Variants in MRPS18A observed in about 807,000 individuals in gnomAD.
MRPS18A encodes mitochondrial ribosomal protein S18A, also known as large ribosomal subunit protein mL66.
MRPS18A carries 20 observed loss-of-function variants against 22.7 expected under a neutral mutation model. The observed-to-expected ratio is 0.88, with a 90% CI of 0.62 to 1.28. The LOEUF (loss-of-function observed/expected upper bound fraction) is 1.28, where lower values mean the gene tolerates loss of function less well. Among genes scored for constraint, MRPS18A ranks in the 50% most tolerant of loss-of-function variants. MRPS18A has a pLI of 0.00. For synonymous variants in MRPS18A, 106 were observed against 99.1 expected (o/e 1.07, Z -0.41); for missense variants, 294 against 262.6 (o/e 1.12, Z -0.83).
At chr6:43,674,557 C>T (rs1773943821) in intron 5 of MRPS18A, among the ~76,000 whole-genome samples, 1 of 152,176 alleles carries the variant, frequency 6.6e-6, no homozygotes, top group South Asian at 2.1e-4. Flanking sequence ...AAGAAGGGAA[C>T]TTGCAATGGG....
At chr6:43,678,436 C>G in intron 3 of MRPS18A, 82 bp downstream of exon 3, 1 of 1,024,690 alleles carries the variant, frequency 9.8e-7, no homozygotes. Context: ...GTAGCTACAG[C>G]GGGGACATGC....
chr6:43,682,670 C>G (rs1411181714), intron 1 of MRPS18A, among the ~76,000 whole-genome samples: 1 of 152,232 alleles, frequency 6.6e-6, no homozygotes, highest in African/African-American at 2.4e-5. Flanking sequence ...TCTACTTGTA[C>G]AGAACACAGA....
In MRPS18A at chr6:43,679,668, A is replaced by AGGGAAGC. The variant is rs1433739254; in HGVS notation, c.145-1050_145-1044dup. On this transcript the variant is annotated intron_variant, in intron 2 of 5. Transcript: ENST00000372133. ...TGGGACGGGTCTGAGAGGCTTTGGGAGGGAAGCAACACTGTCTCCTGGGGG... is the reference window on the plus strand; with the variant it reads ...TGGGACGGGTCTGAGAGGCTTTGGGAGGGAAGCGGGAAGCAACACTGTCTCCTGGGGG... 5.3e-5 allele frequency among the ~76,000 whole-genome samples: 8 copies of AGGGAAGC among 152,154 alleles called. No homozygotes were observed. The East Asian group carries it at 1.4e-3, about 26-fold the overall frequency.
chr6:43,676,334 T>C (rs771447393), intron 3 of MRPS18A, among the ~76,000 whole-genome samples: 4 of 152,168 alleles, frequency 2.6e-5, no homozygotes, highest in Non-Finnish European at 4.4e-5. Context: ...TCAAAGTCTA[T>C]ATACCACAAG....
chr6:43,685,064 C>G (rs1774618405), intron 1 of MRPS18A, among the ~76,000 whole-genome samples: 1 of 152,116 alleles, frequency 6.6e-6, no homozygotes, highest in African/African-American at 2.4e-5. Flanking sequence ...GGTGATGTTA[C>G]TGGTGGAGAG....
rs181130979 is a variant in MRPS18A, at chr6:43,677,929, C to T, written c.252+589G>A. On this transcript the variant is annotated intron_variant, in intron 3 of 5. Transcript: ENST00000372133. ...GAGCAATCAGGTATCTTTATAGCTC[C>T]AATACAGAACGACAAGGTAATGTGT... Among the ~76,000 whole-genome samples, 118 of 152,188 alleles carry T rather than the reference C, an allele frequency of 7.8e-4. 1 individual carries two copies. The highest frequency in any genetic ancestry group is 3.4e-3 in the Middle Eastern group (1 of 294).
chr6:43,678,688 T>C, intron 2 of MRPS18A, 63 bp from the exon 3 acceptor site: 1 of 1,179,664 alleles, frequency 8.5e-7, no homozygotes, highest in Non-Finnish European at 1.3e-6. Flanking sequence ...ACATTATCTT[T>C]GCACAAACCC....
intron 5 of MRPS18A, among the ~76,000 whole-genome samples, chr6:43,674,750 A>C (rs897701098): frequency 6.6e-6 from 1 of 152,184 alleles, no homozygotes; most frequent in Non-Finnish European, 1.5e-5. Flanking sequence ...GGGGAGCACT[A>C]TTTGTGACCT....
chr6:43,687,321 CTT>C (rs1774764027), intron 1 of MRPS18A, among the ~76,000 whole-genome samples: 6 of 152,168 alleles, frequency 3.9e-5, no homozygotes, highest in Admixed American at 3.9e-4. Flanking sequence ...TCCAGAGACT[CTT>C]TAATAAAAGA....
At position 43,679,841 on chromosome 6, in the gene MRPS18A, T is replaced by C. The variant is rs775553453; in HGVS notation, c.145-1216A>G. On this transcript the variant is annotated intron_variant, in intron 2 of 5. Transcript: ENST00000372133. ...TACACGGTAGGCCTTGGGAGGCAGG[T>C]TGCAGTGGGTTGGGGGTTGGGGGTG... Among the ~76,000 whole-genome samples, 12 of 152,228 alleles carry C rather than the reference T, an allele frequency of 7.9e-5. 1 individual carries two copies. The highest frequency in any genetic ancestry group is 6.2e-4 in the South Asian group (3 of 4,820).
chr6:43,679,436 T>A (rs1418241299), intron 2 of MRPS18A, among the ~76,000 whole-genome samples: 1 of 152,276 alleles, frequency 6.6e-6, no homozygotes, highest in Non-Finnish European at 1.5e-5. Flanking sequence ...TTCTCTGTCA[T>A]GCTCCTTGCT....
At chr6:43,672,187 T>G in intron 5 of MRPS18A, 1 of 523,684 alleles carries the variant, frequency 1.9e-6, no homozygotes, top group Non-Finnish European at 3.6e-6. Flanking sequence ...TGGTGTGTGT[T>G]TGCTGAGGAA....
Position 43,683,341 on chromosome 6 carries a change from G to GTGGT in MRPS18A, c.113-2225_113-2222dup, listed in dbSNP as rs1582413324. On this transcript the variant is annotated intron_variant, in intron 1 of 5. Coordinates refer to ENST00000372133, the MANE Select transcript of MRPS18A (RefSeq NM_018135.4). ...TCACATTGAACTGACACTGATCAGG[G>GTGGT]TGGTGTCTTAGTGCAGGGGGAGAAG... is the stretch of plus-strand genomic sequence containing the variant. Among the ~76,000 whole-genome samples the GTGGT allele has an allele frequency of 2.0e-5, 3 of 152,340 alleles. No homozygotes were observed. In the East Asian group the frequency reaches 5.8e-4, roughly 29 times the overall value.
intron 1 of MRPS18A, among the ~76,000 whole-genome samples, chr6:43,687,348 G>A (rs1774766501): frequency 6.6e-6 from 1 of 152,218 alleles, no homozygotes; most frequent in South Asian, 2.1e-4. Flanking sequence ...GCGATTCGGA[G>A]AACATGGAAG....
chr6:43,677,582 C>T (rs879552830), intron 3 of MRPS18A, among the ~76,000 whole-genome samples: 2 of 152,172 alleles, frequency 1.3e-5, no homozygotes, highest in Middle Eastern at 3.2e-3. Context: ...CTTAGTCCCA[C>T]GCCCTCCCCA....
At chr6:43,672,231 A>G in intron 5 of MRPS18A, 1 of 446,794 alleles carries the variant, frequency 2.2e-6, no homozygotes, top group Non-Finnish European at 4.4e-6. Flanking sequence ...AGAGCAGATC[A>G]TTCCTCTCTG....
rs1011663993 is a variant in MRPS18A at position 43,675,499 on chromosome 6, C to T, written c.371G>A (p.Arg124Gln). 5.1e-5 allele frequency: 82 copies of T among 1,614,038 alleles called. No homozygotes were observed. Among genetic ancestry groups the T allele is most frequent in the African/African-American group, 9.3e-5 (7 of 74,906 alleles). Residue 124 changes from arginine (R) to glutamine (Q), a missense_variant, in exon 4 of 6, where the codon CGA becomes CAA. Arg to Gln is a conservative substitution (Grantham distance 43). Transcript: ENST00000372133. Reference protein sequence around the residue: ...KIEECVKMAHRAGLLPNHRPR... With the variant: ...KIEECVKMAHQAGLLPNHRPR... ...TGGTCCCCAGGGCCTTCTACCTGCT[C>T]GGTGGGCCATCTTCACACACTCCTC...
intron 2 of MRPS18A, 108 bp downstream of exon 2, chr6:43,680,981 T>C: frequency 1.0e-6 from 1 of 981,692 alleles, no homozygotes; most frequent in South Asian, 1.4e-5. Context: ...TTGAGGGAGC[T>C]GATCCTGGAG....
chr6:43,678,716 T>C, intron 2 of MRPS18A, 91 bp from the exon 3 acceptor site: 1 of 895,380 alleles, frequency 1.1e-6, no homozygotes, highest in South Asian at 1.5e-5. Flanking sequence ...ATGGTAATGC[T>C]GGTGAAAGTT....
Sources: allele counts gnomAD v4.1 joint callset (sites outside exome capture counted in the v4.1 genomes callset), GRCh38; gene constraint gnomAD v4.1.1; transcripts MANE v1.5; gene names NCBI Gene and HGNC (gene_info 2026-07-23, HGNC 2026-07-21).